The following ARHGAP22 variants were observed in gnomAD, a reference collection of about 807,000 sequenced individuals.
ARHGAP22 encodes Rho GTPase activating protein 22, also known as rho GTPase-activating protein 22.
A neutral mutation model predicts 59.1 loss-of-function variants in ARHGAP22; 48 were observed. The observed-to-expected ratio is 0.81, with a 90% confidence interval of 0.64 to 1.03. ARHGAP22 has a LOEUF of 1.03. Among genes scored for constraint, ARHGAP22 ranks in the 50% least tolerant of loss-of-function variants. ARHGAP22 has a pLI of 0.00. For missense variants in ARHGAP22, 1,015 were observed against 958.7 expected (o/e 1.06, Z -0.78); for synonymous variants, 445 against 416.4 (o/e 1.07, Z -0.84).
chr10:48,550,256 C>A, intron 3 of ARHGAP22, among the ~76,000 whole-genome samples: 1 of 152,232 alleles, frequency 6.6e-6, no homozygotes, highest in East Asian at 1.9e-4. Flanking sequence ...CCTTTTTACT[C>A]TCCTCCTAGC....
At chr10:48,491,775 T>C (rs1012691977) in intron 3 of ARHGAP22, among the ~76,000 whole-genome samples, 4 of 152,266 alleles carry the variant, frequency 2.6e-5, no homozygotes, top group African/African-American at 9.6e-5. Context: ...GCAGTATCAC[T>C]ATTCCCATTT....
intron 3 of ARHGAP22, among the ~76,000 whole-genome samples, chr10:48,515,761 A>T (rs1352847670): frequency 6.6e-6 from 1 of 152,240 alleles, no homozygotes; most frequent in Non-Finnish European, 1.5e-5. Context: ...ATTAGAAATC[A>T]ATAAAAAAGG....
chr10:48,622,655 TGG>T (rs1406423400), intron 1 of ARHGAP22, among the ~76,000 whole-genome samples: 1 of 152,160 alleles, frequency 6.6e-6, no homozygotes, highest in Non-Finnish European at 1.5e-5. Context: ...ACTGGCTGAG[TGG>T]ATCAGACTAG....
At chr10:48,617,554 T>G (rs73302282) in intron 1 of ARHGAP22, among the ~76,000 whole-genome samples, 15,980 of 151,994 alleles carry the variant, frequency 0.11, 1,960 homozygotes, top group African/African-American at 0.3. Flanking sequence ...AGAGGAGCTT[T>G]CAAAATCATA....
intron 1 of ARHGAP22, among the ~76,000 whole-genome samples, chr10:48,604,261 G>C (rs1274707048): frequency 6.6e-6 from 1 of 152,204 alleles, no homozygotes; most frequent in Admixed American, 6.5e-5. Context: ...TGAGTGTTCT[G>C]GCAGGAAAGC....
intron 2 of ARHGAP22, 102 bp from the exon 3 acceptor site, chr10:48,555,652 C>T (rs1270066605): frequency 3.6e-6 from 4 of 1,124,662 alleles, no homozygotes; most frequent in Non-Finnish European, 5.3e-6. Context: ...CTGGGGCCCT[C>T]CAGGCCATGG....
At chr10:48,508,516 T>C (rs2052396739) in intron 3 of ARHGAP22, among the ~76,000 whole-genome samples, 2 of 152,198 alleles carry the variant, frequency 1.3e-5, no homozygotes, top group African/African-American at 4.8e-5. Context: ...TCTTCAGGCA[T>C]GGGCCAGGAC....
intron 1 of ARHGAP22, among the ~76,000 whole-genome samples, chr10:48,619,274 A>C (rs1355926871): frequency 6.6e-6 from 1 of 152,042 alleles, no homozygotes; most frequent in Non-Finnish European, 1.5e-5. Flanking sequence ...CTTACCAAAA[A>C]CTCTCTGCAG....
chr10:48,510,702 A>G (rs1389003917), intron 3 of ARHGAP22: 2 of 152,278 alleles, frequency 1.3e-5, no homozygotes, highest in Non-Finnish European at 2.9e-5. Context: ...CTTGTGCTCA[A>G]GTCACACAGA....
At chr10:48,605,081 G>A (rs934907157), upstream of ARHGAP22, 119 of 1,345,068 alleles carry the variant, frequency 8.8e-5, no homozygotes, top group African/African-American at 1.7e-3. Flanking sequence ...ACTGGACCAG[G>A]GCGGGGCAGT....
chr10:48,461,521 C>T (rs2047133053), intron 4 of ARHGAP22, among the ~76,000 whole-genome samples: 1 of 152,106 alleles, frequency 6.6e-6, no homozygotes, highest in Non-Finnish European at 1.5e-5. Context: ...CATGACAAGA[C>T]ACCAAATGAG....
chr10:48,445,845 A>G (rs75586381), downstream of ARHGAP22: 103 of 158,592 alleles, frequency 6.5e-4, 1 homozygote, highest in East Asian at 0.018. Context: ...CACCTGGAAC[A>G]TGCAGACGAG....
chr10:48,496,956 C>T (rs960195840), intron 3 of ARHGAP22, among the ~76,000 whole-genome samples: 3 of 152,078 alleles, frequency 2.0e-5, no homozygotes, highest in Non-Finnish European at 4.4e-5. Flanking sequence ...ATGGGTATAC[C>T]GGATTCCTTG....
At chr10:48,551,658 C>T (rs2056902423) in intron 3 of ARHGAP22, among the ~76,000 whole-genome samples, 1 of 152,194 alleles carries the variant, frequency 6.6e-6, no homozygotes, top group African/African-American at 2.4e-5. Flanking sequence ...ATATACTGAC[C>T]ATGTCGGGAA....
the ARHGAP22 span, chr10:48,434,969 G>A: frequency 6.2e-7 from 1 of 1,613,120 alleles, no homozygotes; most frequent in Non-Finnish European, 8.5e-7. Flanking sequence ...ATCCGACTTT[G>A]GCCTCTGATA....
chr10:48,470,673 C>T (rs977832485), intron 4 of ARHGAP22, among the ~76,000 whole-genome samples: 1 of 152,216 alleles, frequency 6.6e-6, no homozygotes, highest in Non-Finnish European at 1.5e-5. Context: ...GAACTAGTCT[C>T]AAGTACCCCT....
chr10:48,555,416 G>A (rs2057232294), intron 3 of ARHGAP22, 47 bp downstream of exon 3: 1 of 1,581,498 alleles, frequency 6.3e-7, no homozygotes, highest in African/African-American at 1.3e-5. Context: ...CAGGGGCATG[G>A]CAACACCCCC....
chr10:48,643,840 T>TAGACATTA (rs1162374293), intron 1 of ARHGAP22, among the ~76,000 whole-genome samples: 1 of 149,916 alleles, frequency 6.7e-6, no homozygotes, highest in Non-Finnish European at 1.5e-5. Flanking sequence ...TATGATAAAA[T>TAGACATTA]AGACATTAAG....
At chr10:48,643,034 A>G (rs1245674157) in intron 1 of ARHGAP22, among the ~76,000 whole-genome samples, 3 of 152,228 alleles carry the variant, frequency 2.0e-5, no homozygotes, top group Non-Finnish European at 2.9e-5. Context: ...CAAAACCACA[A>G]TGAGATACCA....
Sources: gnomAD v4.1 joint callset for allele counts (sites outside exome capture counted in the v4.1 genomes callset) on GRCh38, gnomAD v4.1.1 for gene constraint, MANE v1.5 for transcripts, NCBI Gene and HGNC (gene_info 2026-07-23, HGNC 2026-07-21) for gene names.